GNB1: variants seen among roughly 807,000 people sequenced by gnomAD.
GNB1 encodes the protein guanine nucleotide-binding protein G(I)/G(S)/G(T) subunit beta-1.
In GNB1, 2 loss-of-function variants were observed where a neutral mutation model predicts 42.9. The ratio of observed to expected loss-of-function variants is 0.05; its 90% CI spans 0.02 to 0.15. GNB1 has a LOEUF of 0.15. GNB1 is among the 10% of genes least tolerant of loss of function. The pLI is 1.00. For missense variants in GNB1, 193 were observed against 462.2 expected (o/e 0.42, Z 5.34); for synonymous variants, 183 against 174.7 (o/e 1.05, Z -0.38).
intron 1 of GNB1, among the ~76,000 whole-genome samples, chr1:1,867,025 G>A (rs1250083670): frequency 9.2e-5 from 14 of 152,168 alleles, no homozygotes; most frequent in Non-Finnish European, 1.9e-4. Flanking sequence ...CCAGCACTTT[G>A]GGAGGCTGAG....
At chr1:1,845,048 T>C (rs1266814061) in intron 1 of GNB1, among the ~76,000 whole-genome samples, 2 of 152,174 alleles carry the variant, frequency 1.3e-5, no homozygotes, top group African/African-American at 4.8e-5. Context: ...CAACTATATA[T>C]GATCATACTA....
intron 7 of GNB1, among the ~76,000 whole-genome samples, chr1:1,797,908 C>G (rs892581474): frequency 2.0e-5 from 3 of 152,178 alleles, no homozygotes; most frequent in Non-Finnish European, 2.9e-5. Flanking sequence ...CATGACCACG[C>G]CCAGTCCCTC....
rs546225991 is a variant in GNB1, at chr1:1,802,262, C to A, written c.430+2157G>T. ...CATTCCCATGTGCACACAGCGCGGC[C>A]ACCATGACAGACCATCAGCTCCATT... is the stretch of plus-strand genomic sequence containing the variant. On this transcript the variant is annotated intron_variant, in intron 7 of 11. Coordinates refer to ENST00000378609, the MANE Select transcript of GNB1 (RefSeq NM_002074.5). Among the ~76,000 whole-genome samples the A allele has an allele frequency of 1.1e-4, 16 of 152,204 alleles. No homozygotes were observed. In the South Asian group the frequency reaches 3.1e-3, roughly 30 times the overall value.
intron 2 of GNB1, among the ~76,000 whole-genome samples, chr1:1,832,444 T>G (rs1198073139): frequency 6.6e-6 from 1 of 152,206 alleles, no homozygotes; most frequent in African/African-American, 2.4e-5. Flanking sequence ...GACCCATATC[T>G]GCCATTGGCT....
chr1:1,789,325 G>T lies in GNB1; in HGVS notation c.700-56C>A, dbSNP rs763777729. On this transcript the variant is annotated intron_variant, in intron 9 of 11. Coordinates refer to ENST00000378609, the MANE Select transcript of GNB1 (RefSeq NM_002074.5). ...GTAAACGCTCAGAAAGAAACATTGG[G>T]AATATGGATTGCTCAATGGTAGGGC... The T allele has an allele frequency of 8.8e-4, 857 of 973,702 alleles. 8 individuals carry two copies. The highest frequency in any genetic ancestry group is 1.8e-4 in the Non-Finnish European group (107 of 608,750). 60.3% of individuals were successfully genotyped at this position (973,702 alleles called of 1,614,324 possible).
At chr1:1,808,156 C>T (rs1197634057) in intron 5 of GNB1, among the ~76,000 whole-genome samples, 3 of 152,020 alleles carry the variant, frequency 2.0e-5, no homozygotes, top group Non-Finnish European at 2.9e-5. Flanking sequence ...AGACACGCGC[C>T]ACCACAGCCA....
At chr1:1,868,544 A>T (rs996183893) in intron 1 of GNB1, among the ~76,000 whole-genome samples, 1 of 152,136 alleles carries the variant, frequency 6.6e-6, no homozygotes, top group African/African-American at 2.4e-5. Flanking sequence ...GCACTTTGGG[A>T]GGCCGAGGCA....
At chr1:1,824,889 A>C (rs940494753) in intron 3 of GNB1, 1 of 152,284 alleles carries the variant, frequency 6.6e-6, no homozygotes, top group Admixed American at 6.6e-5. Flanking sequence ...TCTTGGATTT[A>C]GATATATCTG....
intron 3 of GNB1, among the ~76,000 whole-genome samples, chr1:1,822,116 A>G (rs1646937334): frequency 6.6e-6 from 1 of 152,102 alleles, no homozygotes; most frequent in African/African-American, 2.4e-5. Flanking sequence ...AAACAAAAAA[A>G]TGAAAAAAAC....
At chr1:1,791,840 T>C (rs1255793609) in intron 8 of GNB1, among the ~76,000 whole-genome samples, 2 of 152,244 alleles carry the variant, frequency 1.3e-5, no homozygotes, top group Admixed American at 6.5e-5. Flanking sequence ...TTTAAAAATA[T>C]CTTCTAATAA....
chr1:1,875,806 A>G (rs1031669145), intron 1 of GNB1, among the ~76,000 whole-genome samples: 6 of 149,542 alleles, frequency 4.0e-5, no homozygotes, highest in Non-Finnish European at 8.9e-5. Context: ...CGAAGGATGA[A>G]GCTCTAGGAA....
chr1:1,857,861 A>G (rs1333115087), intron 1 of GNB1, among the ~76,000 whole-genome samples: 1 of 152,164 alleles, frequency 6.6e-6, no homozygotes, highest in Non-Finnish European at 1.5e-5. Context: ...GAAATTAACA[A>G]TAATAACTAA....
At chr1:1,862,332 G>A (rs190299444) in intron 1 of GNB1, among the ~76,000 whole-genome samples, 36 of 152,286 alleles carry the variant, frequency 2.4e-4, no homozygotes, top group East Asian at 5.8e-4. Flanking sequence ...CCTCCTCTTC[G>A]GAGGCTTGTC....
At chr1:1,802,658 G>A (rs1646640959) in intron 7 of GNB1, among the ~76,000 whole-genome samples, 1 of 151,866 alleles carries the variant, frequency 6.6e-6, no homozygotes, top group African/African-American at 2.4e-5. Flanking sequence ...AATCTACTCG[G>A]GAGGCTGAGG....
chr1:1,854,300 G>C (rs563747174), intron 1 of GNB1, among the ~76,000 whole-genome samples: 2 of 152,310 alleles, frequency 1.3e-5, no homozygotes, highest in Admixed American at 1.3e-4. Flanking sequence ...CAGGTATAAA[G>C]AGTCCCTGAG....
intron 1 of GNB1, among the ~76,000 whole-genome samples, chr1:1,885,059 C>A (rs1378596650): frequency 6.6e-6 from 1 of 151,750 alleles, no homozygotes; most frequent in Non-Finnish European, 1.5e-5. Flanking sequence ...AAGTTTGGAG[C>A]AATGAATTAT....
intron 1 of GNB1, among the ~76,000 whole-genome samples, chr1:1,866,739 G>A (rs2101720833): frequency 6.6e-6 from 1 of 151,996 alleles, no homozygotes; most frequent in East Asian, 1.9e-4. Context: ...CAGATCACGA[G>A]GTCAGGAGAT....
intron 3 of GNB1, among the ~76,000 whole-genome samples, chr1:1,824,373 AGAG>A (rs1366530529): frequency 3.3e-5 from 5 of 152,086 alleles, no homozygotes; most frequent in Admixed American, 2.0e-4. Context: ...ATTGCTTGAA[AGAG>A]GTTGCAGTGA....
At chr1:1,802,642 G>A (rs568821044) in intron 7 of GNB1, among the ~76,000 whole-genome samples, 71 of 151,948 alleles carry the variant, frequency 4.7e-4, no homozygotes, top group African/African-American at 1.6e-3. Flanking sequence ...GGTGGTGCAC[G>A]CCTGTAATCT....
Sources: allele counts gnomAD v4.1 joint callset (sites outside exome capture counted in the v4.1 genomes callset), GRCh38; gene constraint gnomAD v4.1.1; transcripts MANE v1.5; gene names NCBI Gene and HGNC (gene_info 2026-07-23, HGNC 2026-07-21).